The following CACNA2D3 variants were observed in gnomAD, a reference collection of about 807,000 sequenced individuals.
CACNA2D3 encodes the protein voltage-dependent calcium channel subunit alpha-2/delta-3.
Under a neutral mutation model 160.6 loss-of-function variants are expected in CACNA2D3, and 60 were observed. The observed-to-expected ratio is 0.37, with a 90% CI of 0.30 to 0.46. The LOEUF is 0.46. CACNA2D3 is among the 20% of genes least tolerant of loss of function. The probability of loss-of-function intolerance (pLI) is 1.00; values close to 1 mark genes in which losing one functional copy is unlikely to be tolerated. For synonymous variants in CACNA2D3, 558 were observed against 492.9 expected, an observed-to-expected ratio of 1.13 and a Z score of -1.75; for missense variants, 1,205 against 1,365.0, an observed-to-expected ratio of 0.88 and a Z score of 1.85.
intron 4 of CACNA2D3, among the ~76,000 whole-genome samples, chr3:54,391,011 A>C (rs1433721541): frequency 8.2e-6 from 1 of 122,620 alleles, no homozygotes; most frequent in Non-Finnish European, 1.7e-5. Context: ...ACTGAAAAAT[A>C]AAAAGTGATT....
intron 4 of CACNA2D3, among the ~76,000 whole-genome samples, chr3:54,426,322 T>A (rs1451461417): frequency 3.3e-5 from 5 of 152,214 alleles, no homozygotes; most frequent in South Asian, 2.1e-4. Flanking sequence ...CTCTAAGTTA[T>A]GTTGTTGTTC....
chr3:54,272,594 C>T (rs1014276426), intron 2 of CACNA2D3, among the ~76,000 whole-genome samples: 6 of 152,032 alleles, frequency 3.9e-5, no homozygotes, highest in Admixed American at 6.5e-5. Flanking sequence ...ACTCAGGGCT[C>T]CTTCCCACAG....
At chr3:54,665,548 C>G (rs1315475682) in intron 11 of CACNA2D3, among the ~76,000 whole-genome samples, 4 of 1,864 alleles carry the variant, frequency 2.1e-3, no homozygotes, top group African/African-American at 0.016. Context: ...GCTCCATATA[C>G]TACTGTGTAA....
chr3:54,605,842 T>C (rs1698597464), intron 9 of CACNA2D3, among the ~76,000 whole-genome samples: 1 of 152,234 alleles, frequency 6.6e-6, no homozygotes, highest in Non-Finnish European at 1.5e-5. Context: ...GTGTGGCATG[T>C]ATAAATAATA....
intron 14 of CACNA2D3, among the ~76,000 whole-genome samples, chr3:54,836,417 G>C (rs969794806): frequency 6.6e-6 from 1 of 151,680 alleles, no homozygotes; most frequent in Non-Finnish European, 1.5e-5. Flanking sequence ...TGTATTTTTA[G>C]TAGAGACGGG....
intron 3 of CACNA2D3, among the ~76,000 whole-genome samples, chr3:54,375,850 C>A (rs1218664293): frequency 6.6e-6 from 1 of 151,970 alleles, no homozygotes; most frequent in Non-Finnish European, 1.5e-5. Flanking sequence ...CGTGGCTTTG[C>A]TAGGGATATA....
chr3:55,025,960 A>G (rs1703557078), intron 35 of CACNA2D3, among the ~76,000 whole-genome samples: 2 of 151,634 alleles, frequency 1.3e-5, no homozygotes, highest in Admixed American at 1.3e-4. Flanking sequence ...TTTAGTAAAC[A>G]TTTGATTGAA....
At chr3:54,998,430 G>C (rs556386370) in intron 31 of CACNA2D3, among the ~76,000 whole-genome samples, 1 of 152,270 alleles carries the variant, frequency 6.6e-6, no homozygotes, top group South Asian at 2.1e-4. Context: ...CACCACACCT[G>C]GCCTTTAATC....
intron 27 of CACNA2D3, among the ~76,000 whole-genome samples, chr3:54,960,135 C>A (rs558409704): frequency 6.6e-6 from 1 of 151,492 alleles, no homozygotes; most frequent in South Asian, 2.1e-4. Context: ...ATGGATCAGG[C>A]CTTCCTACAC....
intron 35 of CACNA2D3, among the ~76,000 whole-genome samples, chr3:55,061,208 A>G (rs1186639505): frequency 2.0e-5 from 3 of 152,248 alleles, no homozygotes; most frequent in South Asian, 4.1e-4. Flanking sequence ...TGTCTATTGT[A>G]TACATTTTTG....
chr3:54,615,722 C>T (rs1281603347), intron 9 of CACNA2D3, among the ~76,000 whole-genome samples: 1 of 152,062 alleles, frequency 6.6e-6, no homozygotes, highest in South Asian at 2.1e-4. Context: ...AACAAATTAC[C>T]CCTAAACTTA....
intron 5 of CACNA2D3, among the ~76,000 whole-genome samples, chr3:54,526,578 T>G (rs1701726443): frequency 6.6e-6 from 1 of 152,212 alleles, no homozygotes; most frequent in Non-Finnish European, 1.5e-5. Context: ...AAGCCCCTGA[T>G]GCTGCTTTTG....
rs1575420797 is a variant in CACNA2D3, at chr3:54,982,166, A to C, written c.2557-2442A>C. Among the ~76,000 whole-genome samples the C allele has an allele frequency of 2.0e-5, 3 of 152,292 alleles. No homozygotes were observed. The East Asian group carries it at 5.8e-4, about 29-fold the overall frequency. Reference sequence around the variant, plus strand: ...ACCCATAGCCCTTAGCAACAAGTGCAAGACAGATTAATCCAAAGAGAATAG... The same window carrying C: ...ACCCATAGCCCTTAGCAACAAGTGCCAGACAGATTAATCCAAAGAGAATAG... On this transcript the variant is annotated intron_variant, in intron 29 of 37. Transcript: ENST00000474759.
At chr3:54,699,715 C>T (rs1700730978) in intron 11 of CACNA2D3, among the ~76,000 whole-genome samples, 1 of 152,152 alleles carries the variant, frequency 6.6e-6, no homozygotes, top group Non-Finnish European at 1.5e-5. Context: ...GATTTAACCA[C>T]TCTATGCCTC....
chr3:54,507,432 C>G (rs550125469), intron 5 of CACNA2D3, among the ~76,000 whole-genome samples: 2 of 152,180 alleles, frequency 1.3e-5, no homozygotes, highest in Non-Finnish European at 2.9e-5. Context: ...ACTTTAGGTT[C>G]TCTGAGGGCA....
chr3:54,357,011 C>T (rs539606417), intron 3 of CACNA2D3, among the ~76,000 whole-genome samples: 33 of 152,256 alleles, frequency 2.2e-4, no homozygotes, highest in Non-Finnish European at 3.8e-4. Context: ...GGACCCCCTC[C>T]TTGTGGGCTG....
intron 13 of CACNA2D3, among the ~76,000 whole-genome samples, chr3:54,799,507 T>G (rs1265417652): frequency 6.6e-6 from 1 of 152,232 alleles, no homozygotes; most frequent in Non-Finnish European, 1.5e-5. Flanking sequence ...TATACAGATT[T>G]CTTTGTGGTT....
intron 26 of CACNA2D3, among the ~76,000 whole-genome samples, chr3:54,899,060 A>G (rs899296353): frequency 6.6e-6 from 1 of 152,172 alleles, no homozygotes; most frequent in Non-Finnish European, 1.5e-5. Flanking sequence ...CTGCTTCTCA[A>G]TTCAATTGGA....
chr3:54,579,020 C>G (rs1702632758), intron 8 of CACNA2D3, among the ~76,000 whole-genome samples: 1 of 152,122 alleles, frequency 6.6e-6, no homozygotes, highest in Non-Finnish European at 1.5e-5. Flanking sequence ...ACGGTAGAGG[C>G]AGGACTTGGA....
Sources: allele counts gnomAD v4.1 joint callset (sites outside exome capture counted in the v4.1 genomes callset), GRCh38; gene constraint gnomAD v4.1.1; transcripts MANE v1.5; gene names NCBI Gene and HGNC (gene_info 2026-07-23, HGNC 2026-07-21).